The following ZNF385D variants were observed in gnomAD, a reference collection of about 807,000 sequenced individuals.
The protein encoded by ZNF385D is zinc finger protein 385D, also known as zinc finger protein 659.
ZNF385D carries 15 observed loss-of-function variants against 35.8 expected under a neutral mutation model. The ratio of observed to expected loss-of-function variants is 0.42; its 90% CI spans 0.28 to 0.64. The LOEUF (loss-of-function observed/expected upper bound fraction) is 0.64, where lower values mean the gene tolerates loss of function less well. Among genes scored for constraint, ZNF385D ranks in the 30% least tolerant of loss-of-function variants. The pLI is 0.23. For synonymous variants in ZNF385D, 212 were observed against 186.8 expected (o/e 1.13, Z -1.10); for missense variants, 474 against 494.6 (o/e 0.96, Z 0.39).
At chr3:22,113,703 A>G (rs376795938) in intron 3 of ZNF385D, among the ~76,000 whole-genome samples, 19 of 152,170 alleles carry the variant, frequency 1.2e-4, no homozygotes, top group Admixed American at 7.2e-4. Flanking sequence ...ACCAAATACA[A>G]AAAAGATACA....
chr3:21,768,147 C>G (rs930800702), intron 3 of ZNF385D, among the ~76,000 whole-genome samples: 1 of 151,932 alleles, frequency 6.6e-6, no homozygotes, highest in African/African-American at 2.4e-5. Context: ...AATCCCCAGG[C>G]CATTCCTGTC....
At chr3:21,908,797 C>G (rs914726958) in intron 3 of ZNF385D, among the ~76,000 whole-genome samples, 1 of 151,882 alleles carries the variant, frequency 6.6e-6, no homozygotes, top group Non-Finnish European at 1.5e-5. Flanking sequence ...TTAAAAAAAA[C>G]AACAACCTTT....
intron 3 of ZNF385D, among the ~76,000 whole-genome samples, chr3:22,153,369 G>T (rs957264904): frequency 6.6e-6 from 1 of 151,938 alleles, no homozygotes; most frequent in East Asian, 1.9e-4. Context: ...ACATCATCAG[G>T]CAAACTCTGT....
At chr3:21,949,355 C>T (rs1334978020) in intron 3 of ZNF385D, among the ~76,000 whole-genome samples, 1 of 152,018 alleles carries the variant, frequency 6.6e-6, no homozygotes, top group African/African-American at 2.4e-5. Context: ...TGTGTTTCAT[C>T]CTCCATCCTG....
Position 21,781,446 on chromosome 3 carries a change from T to G in ZNF385D, c.326-116418A>C, listed in dbSNP as rs1575638893. Reference sequence around the variant, plus strand: ...AAAGTAAATCTGGCACAGCAAACATTAAATGTATCAAAGATGGTGCCAAGA... The same window carrying G: ...AAAGTAAATCTGGCACAGCAAACATGAAATGTATCAAAGATGGTGCCAAGA... On this transcript the variant is annotated intron_variant, in intron 3 of 5. Coordinates refer to the ZNF385D transcript ENST00000494108. Among the ~76,000 whole-genome samples, 2 of 152,130 alleles carry G rather than the reference T, an allele frequency of 1.3e-5. 1 individual carries two copies. Among genetic ancestry groups the G allele is most frequent in the South Asian group, 4.1e-4 (2 of 4,824 alleles).
intron 2 of ZNF385D, among the ~76,000 whole-genome samples, chr3:21,656,215 A>G (rs1182205953): frequency 6.6e-6 from 1 of 152,030 alleles, no homozygotes; most frequent in African/African-American, 2.4e-5. Flanking sequence ...AAGAAATTCC[A>G]GCAAGTGTGG....
At chr3:22,064,102 G>T (rs1019163822) in intron 3 of ZNF385D, among the ~76,000 whole-genome samples, 1 of 152,188 alleles carries the variant, frequency 6.6e-6, no homozygotes, top group Non-Finnish European at 1.5e-5. Flanking sequence ...GGACTGCTAG[G>T]ACTTCAGTCT....
intron 2 of ZNF385D, among the ~76,000 whole-genome samples, chr3:22,219,413 T>C (rs1330010955): frequency 6.6e-6 from 1 of 152,134 alleles, no homozygotes; most frequent in East Asian, 1.9e-4. Flanking sequence ...ACACTTGAGT[T>C]AATCACTGAT....
chr3:22,149,525 A>G (rs1047045264), intron 3 of ZNF385D, among the ~76,000 whole-genome samples: 50 of 152,156 alleles, frequency 3.3e-4, no homozygotes, highest in African/African-American at 1.1e-3. Flanking sequence ...CTGATACAAT[A>G]TATTTGGGGT....
chr3:21,950,081 ATTG>A (rs1016145325), intron 3 of ZNF385D, among the ~76,000 whole-genome samples: 3 of 148,780 alleles, frequency 2.0e-5, no homozygotes, highest in Admixed American at 2.0e-4. Context: ...CAGTAATGGG[ATTG>A]TTGAGTTAAA....
At chr3:21,447,200 T>G (rs1407615377) in intron 4 of ZNF385D, among the ~76,000 whole-genome samples, 1 of 152,106 alleles carries the variant, frequency 6.6e-6, no homozygotes, top group African/African-American at 2.4e-5. Context: ...ATTTGTGAGC[T>G]TTTGGATAAA....
At chr3:22,172,827 A>G (rs945241673) in intron 2 of ZNF385D, among the ~76,000 whole-genome samples, 4 of 152,344 alleles carry the variant, frequency 2.6e-5, no homozygotes, top group South Asian at 2.1e-4. Context: ...AGTATTCCAA[A>G]TAACTTAAAT....
intron 3 of ZNF385D, among the ~76,000 whole-genome samples, chr3:21,996,743 A>G (rs1009673662): frequency 2.6e-5 from 4 of 152,042 alleles, no homozygotes; most frequent in Admixed American, 6.6e-5. Context: ...AAGAATAGGA[A>G]CCCCCCTAAA....
At chr3:21,744,878 A>AGC (rs1348775822) in intron 1 of ZNF385D, among the ~76,000 whole-genome samples, 1 of 152,110 alleles carries the variant, frequency 6.6e-6, no homozygotes, top group East Asian at 1.9e-4. Flanking sequence ...TAATAAAAAA[A>AGC]GCTAGTGTTT....
intron 5 of ZNF385D, among the ~76,000 whole-genome samples, chr3:21,426,480 T>C (rs1701032266): frequency 6.6e-6 from 1 of 152,226 alleles, no homozygotes; most frequent in Non-Finnish European, 1.5e-5. Flanking sequence ...AGTTACATAC[T>C]GTTCATAATG....
chr3:21,988,872 T>C lies in ZNF385D; in HGVS notation c.325+179945A>G, dbSNP rs190411299. Among the ~76,000 whole-genome samples the C allele has an allele frequency of 2.2e-3, 328 of 152,306 alleles. 1 individual carries two copies. Among genetic ancestry groups the C allele is most frequent in the African/African-American group, 7.5e-3 (311 of 41,562 alleles). On this transcript the variant is annotated intron_variant, in intron 3 of 5. Transcript: ENST00000494108. ...CCAGGTGTGGGATATACTCTCGTGG[T>C]GCGCCGTTTTTTAAGCCGGTCTGAA... is the stretch of plus-strand genomic sequence containing the variant.
chr3:21,938,750 T>C (rs1205154669), intron 3 of ZNF385D, among the ~76,000 whole-genome samples: 1 of 152,142 alleles, frequency 6.6e-6, no homozygotes, highest in East Asian at 1.9e-4. Context: ...ACCCCCACCT[T>C]CTATGTCCAT....
chr3:21,508,400 T>C (rs1412293896), intron 4 of ZNF385D, among the ~76,000 whole-genome samples: 4 of 152,156 alleles, frequency 2.6e-5, no homozygotes, highest in Non-Finnish European at 5.9e-5. Flanking sequence ...TAAGCACTGG[T>C]GTCTGAGTCA....
chr3:21,472,843 A>C (rs1312255149), intron 4 of ZNF385D, among the ~76,000 whole-genome samples: 1 of 152,084 alleles, frequency 6.6e-6, no homozygotes, highest in Non-Finnish European at 1.5e-5. Context: ...TCGCCTGCCC[A>C]CATTGCTGGG....
Sources: gnomAD v4.1 joint callset for allele counts (sites outside exome capture counted in the v4.1 genomes callset) on GRCh38, gnomAD v4.1.1 for gene constraint, MANE v1.5 for transcripts, NCBI Gene and HGNC (gene_info 2026-07-23, HGNC 2026-07-21) for gene names.